EFNA5: variants seen among roughly 807,000 people sequenced by gnomAD.
EFNA5 encodes the protein ephrin A5.
In EFNA5, 5 loss-of-function variants were observed where a neutral mutation model predicts 22.9. The ratio of observed to expected loss-of-function variants is 0.22; its 90% CI spans 0.11 to 0.46. EFNA5 has a LOEUF of 0.46. Ranked by LOEUF, EFNA5 falls within the 20% of genes least tolerant of loss-of-function variation. The pLI is 0.99. For synonymous variants in EFNA5, 113 were observed against 112.2 expected (o/e 1.01, Z -0.04); for missense variants, 237 against 293.3 (o/e 0.81, Z 1.40).
chr5:107,494,967 A>G (rs1289805241), intron 1 of EFNA5, among the ~76,000 whole-genome samples: 2 of 151,612 alleles, frequency 1.3e-5, no homozygotes, highest in Non-Finnish European at 2.9e-5. Context: ...GACATGAAAA[A>G]CCTTTGTGTC....
chr5:107,651,342 A>G (rs1474560984), intron 1 of EFNA5, among the ~76,000 whole-genome samples: 2 of 152,162 alleles, frequency 1.3e-5, no homozygotes, highest in Admixed American at 1.3e-4. Flanking sequence ...GTGCTCAATA[A>G]ATGGGAGCTA....
chr5:107,517,241 A>C (rs1171826052), intron 1 of EFNA5, among the ~76,000 whole-genome samples: 1 of 152,124 alleles, frequency 6.6e-6, no homozygotes, highest in Non-Finnish European at 1.5e-5. Flanking sequence ...ACTAGAAGAC[A>C]ATGATGCTAT....
intron 2 of EFNA5, among the ~76,000 whole-genome samples, chr5:107,422,983 C>T (rs13182976): frequency 0.22 from 33,319 of 152,090 alleles, 3,822 homozygotes; most frequent in South Asian, 0.35. Context: ...ATTTATTGAA[C>T]ATCTACTAAG....
At chr5:107,626,048 G>C (rs986100588) in intron 1 of EFNA5, among the ~76,000 whole-genome samples, 7 of 152,178 alleles carry the variant, frequency 4.6e-5, no homozygotes. Flanking sequence ...TGTCATGACA[G>C]ATGATCACTC....
At chr5:107,618,036 A>T (rs998793980) in intron 1 of EFNA5, among the ~76,000 whole-genome samples, 5 of 152,232 alleles carry the variant, frequency 3.3e-5, no homozygotes, top group African/African-American at 1.2e-4. Context: ...AAGAAAAAAA[A>T]AAGACCCAGC....
chr5:107,497,427 T>C (rs1390668712), intron 1 of EFNA5, among the ~76,000 whole-genome samples: 1 of 152,218 alleles, frequency 6.6e-6, no homozygotes, highest in Non-Finnish European at 1.5e-5. Flanking sequence ...ATAATAGTCA[T>C]GTAAAGATAG....
chr5:107,523,625 C>T (rs915266798), intron 1 of EFNA5, among the ~76,000 whole-genome samples: 5 of 152,330 alleles, frequency 3.3e-5, no homozygotes, highest in East Asian at 1.9e-4. Flanking sequence ...CTATCGTTAA[C>T]GGAGAATACA....
intron 1 of EFNA5, among the ~76,000 whole-genome samples, chr5:107,449,045 AAAT>A (rs1319190669): frequency 6.6e-6 from 1 of 152,054 alleles, no homozygotes; most frequent in African/African-American, 2.4e-5. Context: ...CTCAGTTTTT[AAAT>A]AAATAAATGA....
At chr5:107,538,436 C>A (rs1747971047) in intron 1 of EFNA5, among the ~76,000 whole-genome samples, 1 of 152,122 alleles carries the variant, frequency 6.6e-6, no homozygotes, top group South Asian at 2.1e-4. Flanking sequence ...GGCACAGACA[C>A]AAAAATTTAG....
chr5:107,560,436 G>A (rs961206490), intron 1 of EFNA5, among the ~76,000 whole-genome samples: 1 of 152,170 alleles, frequency 6.6e-6, no homozygotes, highest in African/African-American at 2.4e-5. Flanking sequence ...TAAAGAGCAG[G>A]TGAATTTGGC....
Position 107,381,188 on chromosome 5 carries a change from G to C in EFNA5, c.*67C>G. 6.5e-7 allele frequency: 1 copy of C among 1,546,074 alleles called. No homozygotes were observed. The highest frequency in any genetic ancestry group is 8.8e-7 in the Non-Finnish European group (1 of 1,134,068). ...AACAAGTCCCTTCTTAGGATGAGCA[G>C]TTAGGTGGATCTCTGGTGTTCCAAG... On this transcript the variant is annotated 3_prime_UTR_variant, in exon 5 of 5. Transcript: ENST00000333274.
At chr5:107,596,683 C>T (rs770413491) in intron 1 of EFNA5, among the ~76,000 whole-genome samples, 1 of 151,728 alleles carries the variant, frequency 6.6e-6, no homozygotes, top group African/African-American at 2.4e-5. Flanking sequence ...GTTATTTAAC[C>T]TATAAAATTG....
chr5:107,559,298 T>C (rs991145393), intron 1 of EFNA5, among the ~76,000 whole-genome samples: 8 of 152,214 alleles, frequency 5.3e-5, no homozygotes, highest in African/African-American at 1.9e-4. Flanking sequence ...TTTCTGATCA[T>C]TCGTTGTGAC....
chr5:107,513,077 C>T (rs13358660), intron 1 of EFNA5, among the ~76,000 whole-genome samples: 9,318 of 152,226 alleles, frequency 0.061, 568 homozygotes, highest in East Asian at 0.16. Flanking sequence ...GGGCCTCACC[C>T]ACCAGGCATG....
intron 2 of EFNA5, among the ~76,000 whole-genome samples, chr5:107,411,729 A>G (rs930157967): frequency 1.3e-5 from 2 of 152,168 alleles, no homozygotes; most frequent in African/African-American, 4.8e-5. Flanking sequence ...CACCAACTAT[A>G]GGCATGGCCA....
At chr5:107,509,485 A>AT (rs35228224) in intron 1 of EFNA5, among the ~76,000 whole-genome samples, 3,414 of 125,188 alleles carry the variant, frequency 0.027, 100 homozygotes, top group African/African-American at 0.072. Flanking sequence ...TGCTTGGCTA[A>AT]TTTTTTTTTT....
At chr5:107,588,933 C>T (rs887385827) in intron 1 of EFNA5, among the ~76,000 whole-genome samples, 2 of 152,282 alleles carry the variant, frequency 1.3e-5, no homozygotes, top group Non-Finnish European at 1.5e-5. Flanking sequence ...AAGTGAAAAG[C>T]GTGCACACCA....
chr5:107,454,874 G>A (rs1749653487), intron 1 of EFNA5, among the ~76,000 whole-genome samples: 1 of 152,122 alleles, frequency 6.6e-6, no homozygotes, highest in South Asian at 2.1e-4. Flanking sequence ...GAGAGAATGA[G>A]AGGGAACAAG....
chr5:107,670,702 A>C lies in EFNA5; in HGVS notation c.-89T>G. On this transcript the variant is annotated 5_prime_UTR_variant, in exon 1 of 5. Transcript: ENST00000333274. ...GAGGGAGGCAGGCAAAGGGACAGAGAGAGAGCGGGCGCCAAATAAATATGA... is the reference window on the plus strand; with the variant it reads ...GAGGGAGGCAGGCAAAGGGACAGAGCGAGAGCGGGCGCCAAATAAATATGA... The C allele has an allele frequency of 6.6e-7, 1 of 1,513,784 alleles. No individual in the cohort carries two copies. Among genetic ancestry groups the C allele is most frequent in the Non-Finnish European group, 8.8e-7 (1 of 1,131,588 alleles). The allele number at this position is 1,513,784 out of a possible 1,614,324, so 93.8% of individuals were successfully genotyped here.
Sources: gnomAD v4.1 joint callset for allele counts (sites outside exome capture counted in the v4.1 genomes callset) on GRCh38, gnomAD v4.1.1 for gene constraint, MANE v1.5 for transcripts, NCBI Gene and HGNC (gene_info 2026-07-23, HGNC 2026-07-21) for gene names.